CERS6: variants seen among roughly 807,000 people sequenced by gnomAD.
The protein encoded by CERS6 is ceramide synthase 6, also known as LAG1 homolog, ceramide synthase 6.
Under a neutral mutation model 56.8 loss-of-function variants are expected in CERS6, and 26 were observed. That is an observed-to-expected ratio of 0.46 (90% CI 0.34 to 0.63). CERS6 has a LOEUF of 0.63. Ranked by LOEUF, CERS6 falls within the 30% of genes least tolerant of loss-of-function variation. The pLI is 0.01. For missense variants in CERS6, 415 were observed against 467.5 expected (o/e 0.89, Z 1.04); for synonymous variants, 164 against 173.3 (o/e 0.95, Z 0.42).
At chr2:168,703,077 G>A (rs1283615839) in intron 6 of CERS6, among the ~76,000 whole-genome samples, 1 of 152,106 alleles carries the variant, frequency 6.6e-6, no homozygotes, top group Admixed American at 6.5e-5. Flanking sequence ...AATGGAGTTT[G>A]TTTACAATAA....
Position 168,588,021 on chromosome 2 carries a change from G to C in CERS6, c.407+26699G>C, listed in dbSNP as rs1683584320. 2.0e-5 allele frequency among the ~76,000 whole-genome samples: 3 copies of C among 151,868 alleles called. No individual in the cohort carries two copies. In the South Asian group the frequency reaches 6.3e-4, roughly 32 times the overall value. The stretch of plus-strand genomic sequence containing the variant: ...AGCTCACTGCAGCCTCGACCTTCTG[G>C]GCTCAGTGATCCTCCGGCCTCAGCT... On this transcript the variant is annotated intron_variant, in intron 3 of 9. Coordinates refer to ENST00000305747, the MANE Select transcript of CERS6 (RefSeq NM_203463.3).
At chr2:168,457,052 G>C (rs1693681871) in intron 1 of CERS6, among the ~76,000 whole-genome samples, 1 of 152,210 alleles carries the variant, frequency 6.6e-6, no homozygotes, top group Non-Finnish European at 1.5e-5. Context: ...GAACGTTCCG[G>C]ACGCGCGGCC....
At chr2:168,476,645 C>T (rs371966683) in intron 1 of CERS6, among the ~76,000 whole-genome samples, 20 of 152,012 alleles carry the variant, frequency 1.3e-4, no homozygotes, top group Admixed American at 3.3e-4. Context: ...GGCCTGAGAA[C>T]GTAGTAGGGA....
At chr2:168,517,005 G>A (rs1226878384) in intron 1 of CERS6, among the ~76,000 whole-genome samples, 5 of 152,024 alleles carry the variant, frequency 3.3e-5, no homozygotes, top group African/African-American at 1.2e-4. Context: ...TTAGGATAAT[G>A]AGCCAAATGT....
intron 4 of CERS6, among the ~76,000 whole-genome samples, chr2:168,672,259 T>C (rs1049641638): frequency 6.6e-6 from 1 of 152,220 alleles, no homozygotes; most frequent in Non-Finnish European, 1.5e-5. Context: ...ACATTGCCAG[T>C]TTCTAGTACA....
intron 1 of CERS6, among the ~76,000 whole-genome samples, chr2:168,546,045 C>T (rs1695460241): frequency 1.3e-5 from 2 of 152,124 alleles, no homozygotes; most frequent in Non-Finnish European, 2.9e-5. Flanking sequence ...CTCTGTTGTA[C>T]CTTATGATGA....
At chr2:168,688,537 A>G (rs917638367) in intron 4 of CERS6, among the ~76,000 whole-genome samples, 11 of 152,168 alleles carry the variant, frequency 7.2e-5, no homozygotes, top group Non-Finnish European at 1.0e-4. Flanking sequence ...TTATCTATAA[A>G]TTGGGAAAGA....
intron 8 of CERS6, among the ~76,000 whole-genome samples, chr2:168,749,750 C>A (rs1684206454): frequency 6.6e-6 from 1 of 152,138 alleles, no homozygotes; most frequent in African/African-American, 2.4e-5. Context: ...GCAGGTGAGC[C>A]CCAAAGTGAG....
In CERS6 at chr2:168,520,867, CCAAAGTGCTGGGATTA is replaced by C. The variant is rs1433233643; in HGVS notation, c.171-26726_171-26711del. On this transcript the variant is annotated intron_variant, in intron 1 of 9. Transcript: ENST00000305747. ...TCAAGTGATCTGCCGCCTCAGCCTC[CCAAAGTGCTGGGATTA>C]CAGACGTGAGCCACCACGCTCAATT... Among the ~76,000 whole-genome samples the C allele has an allele frequency of 7.2e-5, 11 of 152,016 alleles. No homozygotes were observed. In the East Asian group the frequency reaches 1.5e-3, roughly 21 times the overall value.
intron 3 of CERS6, among the ~76,000 whole-genome samples, chr2:168,617,964 A>G (rs550353240): frequency 5.3e-5 from 8 of 152,364 alleles, no homozygotes; most frequent in African/African-American, 1.9e-4. Flanking sequence ...CCTGATGAAC[A>G]TACATGCAAA....
At chr2:168,600,629 T>A (rs1414925359) in intron 3 of CERS6, among the ~76,000 whole-genome samples, 1 of 152,216 alleles carries the variant, frequency 6.6e-6, no homozygotes, top group Non-Finnish European at 1.5e-5. Flanking sequence ...TCTCACTCAC[T>A]CTGAAACCTA....
At chr2:168,493,671 A>G (rs943949615) in intron 1 of CERS6, among the ~76,000 whole-genome samples, 4 of 152,110 alleles carry the variant, frequency 2.6e-5, no homozygotes, top group African/African-American at 9.7e-5. Context: ...GCTGAACACC[A>G]ATAACCCACA....
chr2:168,696,989 G>A (rs145645101), intron 6 of CERS6, among the ~76,000 whole-genome samples: 204 of 152,264 alleles, frequency 1.3e-3, no homozygotes, highest in African/African-American at 4.6e-3. Flanking sequence ...GTACTGTAAT[G>A]TATCATTTCT....
intron 8 of CERS6, among the ~76,000 whole-genome samples, chr2:168,738,849 C>T (rs1043995650): frequency 2.0e-5 from 3 of 151,980 alleles, no homozygotes; most frequent in Admixed American, 6.6e-5. Context: ...TGGTAAACAG[C>T]AGTAGAAAAT....
chr2:168,581,201 T>A (rs1683401297), intron 3 of CERS6, among the ~76,000 whole-genome samples: 1 of 152,164 alleles, frequency 6.6e-6, no homozygotes, highest in African/African-American at 2.4e-5. Context: ...ATATTTTTAG[T>A]AGAGACAGTG....
At chr2:168,516,258 G>A (rs1694882585) in intron 1 of CERS6, among the ~76,000 whole-genome samples, 1 of 152,144 alleles carries the variant, frequency 6.6e-6, no homozygotes, top group Non-Finnish European at 1.5e-5. Context: ...AAGTCATAGA[G>A]TAGAACAGAA....
chr2:168,695,138 C>A, intron 6 of CERS6, 87 bp downstream of exon 6: 5 of 939,452 alleles, frequency 5.3e-6, no homozygotes, highest in Non-Finnish European at 8.6e-6. Flanking sequence ...AAGGCACTCA[C>A]CCCTGTTCTC....
chr2:168,528,051 C>G (rs752259648), intron 1 of CERS6, among the ~76,000 whole-genome samples: 10 of 152,032 alleles, frequency 6.6e-5, no homozygotes, highest in Non-Finnish European at 1.5e-4. Flanking sequence ...TGACATTAAC[C>G]CATTCATGAA....
At chr2:168,591,228 G>A (rs925447128) in intron 3 of CERS6, among the ~76,000 whole-genome samples, 15 of 152,188 alleles carry the variant, frequency 9.9e-5, no homozygotes, top group African/African-American at 3.6e-4. Flanking sequence ...TTCTTAAAAA[G>A]ATAAAGATGA....
Sources: gnomAD v4.1 joint callset for allele counts (sites outside exome capture counted in the v4.1 genomes callset) on GRCh38, gnomAD v4.1.1 for gene constraint, MANE v1.5 for transcripts, NCBI Gene and HGNC (gene_info 2026-07-23, HGNC 2026-07-21) for gene names.